Variants in TMEM8B observed in about 807,000 individuals in gnomAD.
The protein encoded by TMEM8B is nasopharyngeal carcinoma expressed 6.
In TMEM8B, 29 loss-of-function variants were observed where a neutral mutation model predicts 49.3. The observed-to-expected ratio is 0.59, with a 90% CI of 0.44 to 0.80. TMEM8B has a LOEUF of 0.80. TMEM8B is among the 30% of genes least tolerant of loss of function. The probability of loss-of-function intolerance (pLI) is 0.00; values close to 1 mark genes in which losing one functional copy is unlikely to be tolerated. For missense variants in TMEM8B, 575 were observed against 658.5 expected (o/e 0.87, Z 1.39); for synonymous variants, 264 against 272.8 (o/e 0.97, Z 0.32).
chr9:35,837,956 CTCA>C (rs1475913530), intron 3 of TMEM8B, among the ~76,000 whole-genome samples: 11 of 152,090 alleles, frequency 7.2e-5, no homozygotes, highest in Admixed American at 5.2e-4. Context: ...AGTGCAGGTT[CTCA>C]TCCTTCCTCT....
chr9:35,846,203 G>T (rs920138991), intron 7 of TMEM8B, 55 bp from the exon 8 acceptor site: 8 of 1,609,756 alleles, frequency 5.0e-6, no homozygotes, highest in Non-Finnish European at 5.9e-6. Context: ...GTGGGTGAGG[G>T]TTCTTGGGTT....
chr9:35,848,777 C>T (rs918134754), intron 10 of TMEM8B, among the ~76,000 whole-genome samples: 13 of 150,140 alleles, frequency 8.7e-5, no homozygotes, highest in African/African-American at 3.2e-4. Context: ...CAGGTTCAAG[C>T]GATTCTCCTG....
intron 3 of TMEM8B, among the ~76,000 whole-genome samples, chr9:35,840,539 G>A (rs1830871450): frequency 6.6e-6 from 1 of 152,040 alleles, no homozygotes; most frequent in Non-Finnish European, 1.5e-5. Flanking sequence ...AGTAATGAGT[G>A]GCCCTGCACT....
chr9:35,852,460 G>A (rs1832228641), intron 10 of TMEM8B, among the ~76,000 whole-genome samples: 1 of 152,102 alleles, frequency 6.6e-6, no homozygotes, highest in African/African-American at 2.4e-5. Flanking sequence ...CTTGGGCCAG[G>A]GATGGGGATT....
chr9:35,831,796 G>A (rs536077550), intron 1 of TMEM8B, among the ~76,000 whole-genome samples: 1 of 152,348 alleles, frequency 6.6e-6, no homozygotes, highest in African/African-American at 2.4e-5. Context: ...TTGGAAAAGA[G>A]TACCAATACA....
chr9:35,846,493 G>A lies in TMEM8B; in HGVS notation c.1878G>A (p.Thr626=), dbSNP rs761717977. 2.5e-6 allele frequency: 4 copies of A among 1,598,440 alleles called. No homozygotes were observed. Among genetic ancestry groups the A allele is most frequent in the South Asian group, 2.2e-5 (2 of 89,396 alleles). Residue 626 remains threonine (T), a synonymous_variant, in exon 9 of 13, where the codon ACG becomes ACA. Transcript: ENST00000643932. ...GPRFVRCRNA[T]AEVRMRTFLS... ...GGTTCGTGCGGTGCCGCAACGCGACGGCCGAGGTGCGGATGCGCACCTTCC... is the reference window on the plus strand; with the variant it reads ...GGTTCGTGCGGTGCCGCAACGCGACAGCCGAGGTGCGGATGCGCACCTTCC...
At chr9:35,846,107 TG>T (rs752150120) in intron 7 of TMEM8B, 39 bp downstream of exon 7, 3 of 1,554,068 alleles carry the variant, frequency 1.9e-6, no homozygotes, top group Admixed American at 3.6e-5. Context: ...AGCTGCAGTG[TG>T]GGGGTGGTGG....
chr9:35,832,643 G>A (rs138447154), intron 1 of TMEM8B, among the ~76,000 whole-genome samples: 2 of 152,280 alleles, frequency 1.3e-5, no homozygotes, highest in East Asian at 1.9e-4. Flanking sequence ...CTGAGGGTCT[G>A]CACCGAGGGA....
In TMEM8B at chr9:35,846,878, GT is replaced by G. The variant is rs772093009; in HGVS notation, c.2059del (p.Ser687ProfsTer7). 9 of 1,614,244 alleles carry G rather than the reference GT, an allele frequency of 5.6e-6. No homozygotes were observed. Among genetic ancestry groups the G allele is most frequent in the Non-Finnish European group, 6.8e-6 (8 of 1,180,042 alleles). ...DALTYGFQLL[S>X]TLLLCLSNLM... ...CGCTCACCTATGGATTCCAGCTGCTGTCCACACTCCTGCTCTGCCTGAGCAA... is the reference window on the plus strand; with the variant it reads ...CGCTCACCTATGGATTCCAGCTGCTGCCACACTCCTGCTCTGCCTGAGCAA... On this transcript the variant is annotated frameshift_variant, in exon 10 of 13. Coordinates refer to ENST00000643932, the MANE Select transcript of TMEM8B (RefSeq NM_001042590.4). LOFTEE classifies it high-confidence loss of function.
chr9:35,837,383 G>T (rs572180268), intron 3 of TMEM8B, among the ~76,000 whole-genome samples: 1 of 152,294 alleles, frequency 6.6e-6, no homozygotes, highest in African/African-American at 2.4e-5. Context: ...CGTGGTGGAG[G>T]TGGTATTGGA....
Position 35,832,168 on chromosome 9 carries a change from G to GGTGTGT in TMEM8B, c.508+2240_508+2245dup, listed in dbSNP as rs34044138. ...CTCAGCCTATGTGTGTAGGTGTAGG[G>GGTGTGT]GTGTGTGTGTGTGTGTGTGTGTGTG... On this transcript the variant is annotated intron_variant, in intron 1 of 12. Coordinates refer to ENST00000643932, the MANE Select transcript of TMEM8B (RefSeq NM_001042590.4). Among the ~76,000 whole-genome samples the GGTGTGT allele has an allele frequency of 2.1e-3, 309 of 146,832 alleles. 2 individuals carry two copies. Among genetic ancestry groups the GGTGTGT allele is most frequent in the East Asian group, 4.4e-3 (22 of 4,988 alleles).
chr9:35,849,425 A>G (rs950856875), intron 10 of TMEM8B, among the ~76,000 whole-genome samples: 1 of 152,278 alleles, frequency 6.6e-6, no homozygotes, highest in Non-Finnish European at 1.5e-5. Context: ...TGATTACAAC[A>G]AAATGACATA....
rs1273512455 is a variant in TMEM8B at position 35,862,664 on chromosome 9, A to C, written c.*8824A>C. ...TCCAGTCCCATCCCTCTTCTTGGGC[A>C]GTTTCTTCAGGCTGGAGTGCCTTTC... On this transcript the variant is annotated 3_prime_UTR_variant, in exon 13 of 13. Coordinates refer to ENST00000643932, the MANE Select transcript of TMEM8B (RefSeq NM_001042590.4). 1 of 152,202 alleles carries C rather than the reference A, an allele frequency of 6.6e-6. No homozygotes were observed. 9.4% of individuals were successfully genotyped at this position (152,202 alleles called of 1,614,324 possible).
rs1261792298 is a variant in TMEM8B, at chr9:35,857,278, A to C, written c.*3438A>C. Reference sequence around the variant, plus strand: ...ACTGAATCCTGCCCTGAAGGAGCTCACACGGTGGTGAAGTGTCATGAATGC... The same window carrying C: ...ACTGAATCCTGCCCTGAAGGAGCTCCCACGGTGGTGAAGTGTCATGAATGC... On this transcript the variant is annotated 3_prime_UTR_variant, in exon 13 of 13. Transcript: ENST00000643932. 1 of 152,294 alleles carries C rather than the reference A, an allele frequency of 6.6e-6. No individual in the cohort carries two copies. Among genetic ancestry groups the C allele is most frequent in the Non-Finnish European group, 1.5e-5 (1 of 68,090 alleles). 9.4% of individuals were successfully genotyped at this position (152,294 alleles called of 1,614,324 possible). A position where few individuals can be genotyped will look rare whatever the true frequency, so the allele number is the denominator to read the frequency against.
chr9:35,839,407 A>G (rs1830746599), intron 3 of TMEM8B, among the ~76,000 whole-genome samples: 1 of 152,054 alleles, frequency 6.6e-6, no homozygotes, highest in Non-Finnish European at 1.5e-5. Flanking sequence ...TGAGGACCTG[A>G]CTTCCGGTGC....
At position 35,853,817 on chromosome 9, in the gene TMEM8B, G is replaced by C; in HGVS notation, c.2752G>C (p.Val918Leu). 6.5e-7 allele frequency: 1 copy of C among 1,550,234 alleles called. No homozygotes were observed. The highest frequency in any genetic ancestry group is 2.0e-5 in the Admixed American group (1 of 51,080). Residue 918 changes from valine (V) to leucine (L), a missense_variant, in exon 13 of 13, where the codon GTC (valine) becomes CTC (leucine). Coordinates refer to ENST00000643932, the MANE Select transcript of TMEM8B (RefSeq NM_001042590.4). This position sits in a 1 kb window ranked among gnomAD's most constrained non-coding sequence, Gnocchi z 4.2. ...LGLVGPGGAT[V>L]SSICAS is the part of the protein sequence containing the mutation. ...CCTCGTGGGCCCAGGAGGGGCCACT[G>C]TCAGCAGCATCTGTGCCAGCTGAGA... is the stretch of plus-strand genomic sequence containing the variant.
chr9:35,853,603 C>T lies in TMEM8B; in HGVS notation c.2538C>T (p.Val846=). The T allele has an allele frequency of 2.5e-6, 4 of 1,614,244 alleles. No homozygotes were observed. The highest frequency in any genetic ancestry group is 3.4e-6 in the Non-Finnish European group (4 of 1,180,044). The part of the protein sequence containing the change: ...CPGSLIAGSA[V]LLYAFVETRD... ...GCAGCCTTATTGCAGGCAGTGCCGT[C>T]CTGCTTTATGCTTTTGTGGAGACCC... The change falls in exon 13 of 13, where the codon GTC becomes GTT. Residue 846 remains valine (V), a synonymous_variant. Coordinates refer to ENST00000643932, the MANE Select transcript of TMEM8B (RefSeq NM_001042590.4). This position sits in a 1 kb window ranked among gnomAD's most constrained non-coding sequence, Gnocchi z 4.2.
chr9:35,850,622 A>G (rs1832050345), intron 10 of TMEM8B, among the ~76,000 whole-genome samples: 1 of 152,202 alleles, frequency 6.6e-6, no homozygotes, highest in Non-Finnish European at 1.5e-5. Flanking sequence ...TCTCCACTCT[A>G]GAGATAATAT....
At chr9:35,833,364 C>T (rs1448256138) in intron 1 of TMEM8B, 2 of 985,324 alleles carry the variant, frequency 2.0e-6, no homozygotes, top group East Asian at 2.3e-4. Context: ...TCTTTTCTGG[C>T]TGGTCCGAAG....
Sources: allele counts gnomAD v4.1 joint callset (sites outside exome capture counted in the v4.1 genomes callset), GRCh38; gene constraint gnomAD v4.1.1; non-coding constraint Gnocchi (gnomAD v3.1); transcripts MANE v1.5; gene names NCBI Gene and HGNC (gene_info 2026-07-23, HGNC 2026-07-21).